SOX6: variants seen among roughly 807,000 people sequenced by gnomAD.
SOX6 encodes SRY-box transcription factor 6.
In SOX6, 11 loss-of-function variants were observed where a neutral mutation model predicts 97.8. That is an observed-to-expected ratio of 0.11 (90% CI 0.07 to 0.19). SOX6 has a LOEUF of 0.19. Among genes scored for constraint, SOX6 ranks in the 10% least tolerant of loss-of-function variants. The pLI is 1.00. For missense variants in SOX6, 810 were observed against 1,039.5 expected, an observed-to-expected ratio of 0.78 and a Z score of 3.04; for synonymous variants, 360 against 371.4, an observed-to-expected ratio of 0.97 and a Z score of 0.35.
chr11:16,498,193 T>C (rs189064946), intron 4 of SOX6, among the ~76,000 whole-genome samples: 1,890 of 152,298 alleles, frequency 0.012, 41 homozygotes, highest in African/African-American at 0.042. Flanking sequence ...ATTTTCAACC[T>C]ACAATTTCAT....
chr11:16,011,733 T>C (rs1854732816), intron 13 of SOX6, among the ~76,000 whole-genome samples: 1 of 151,972 alleles, frequency 6.6e-6, no homozygotes, highest in Admixed American at 6.6e-5. Context: ...AGAAGCCCCA[T>C]AGGAGGATGG....
At chr11:16,349,826 TCCATTTTTACCATATGCCTGATATG>T (rs1856890550) in intron 1 of SOX6, among the ~76,000 whole-genome samples, 1 of 151,908 alleles carries the variant, frequency 6.6e-6, no homozygotes, top group Admixed American at 6.6e-5. Flanking sequence ...TGCCTGACAT[TCCATTTTTACCATATGCCTGATATG>T]CCATTTTACC....
intron 4 of SOX6, among the ~76,000 whole-genome samples, chr11:16,541,061 A>C (rs565005418): frequency 9.8e-5 from 15 of 152,322 alleles, no homozygotes; most frequent in African/African-American, 2.4e-4. Flanking sequence ...ACACTACCTG[A>C]CTTCAAACTA....
At chr11:16,084,167 A>G (rs1182491453) in intron 9 of SOX6, among the ~76,000 whole-genome samples, 1 of 152,148 alleles carries the variant, frequency 6.6e-6, no homozygotes, top group South Asian at 2.1e-4. Flanking sequence ...CAAACTGCCT[A>G]TACACAATCA....
chr11:16,120,780 A>G (rs1187909596), intron 6 of SOX6, among the ~76,000 whole-genome samples: 2 of 152,142 alleles, frequency 1.3e-5, no homozygotes, highest in African/African-American at 2.4e-5. Context: ...AACTACCAAG[A>G]GTAAAACACG....
intron 3 of SOX6, among the ~76,000 whole-genome samples, chr11:16,691,424 G>T (rs910696433): frequency 6.6e-6 from 1 of 152,158 alleles, no homozygotes; most frequent in Non-Finnish European, 1.5e-5. Flanking sequence ...CAAAGAGAAA[G>T]ATTTTTTCTT....
chr11:16,602,917 A>T (rs1434383909), intron 4 of SOX6, among the ~76,000 whole-genome samples: 1 of 152,110 alleles, frequency 6.6e-6, no homozygotes, highest in Non-Finnish European at 1.5e-5. Flanking sequence ...GTTACTCGGG[A>T]GACTGAGGCG....
In SOX6 at chr11:16,310,917, T is replaced by TA. The variant is rs202084463; in HGVS notation, c.445+7528dup. Among the ~76,000 whole-genome samples, 975 of 148,912 alleles carry TA rather than the reference T, an allele frequency of 6.5e-3. 7 individuals are homozygous for TA. The highest frequency in any genetic ancestry group is 0.021 in the African/African-American group (837 of 40,744). On this transcript the variant is annotated intron_variant, in intron 3 of 15. Coordinates refer to ENST00000683767, the MANE Select transcript of SOX6 (RefSeq NM_001367873.1). Reference sequence around the variant, plus strand: ...GTTCTCACAGGGTGTGAATGTTAATTAAAAAAAAAACATGGGCTTTTAATA... The same window carrying TA: ...GTTCTCACAGGGTGTGAATGTTAATTAAAAAAAAAAACATGGGCTTTTAATA...
intron 4 of SOX6, among the ~76,000 whole-genome samples, chr11:16,536,652 C>T (rs1319872586): frequency 6.6e-6 from 1 of 152,244 alleles, no homozygotes; most frequent in Admixed American, 6.5e-5. Context: ...AGATTCCCTC[C>T]CATGTGTGGC....
At chr11:16,119,287 G>A (rs1378427559) in intron 6 of SOX6, among the ~76,000 whole-genome samples, 1 of 152,082 alleles carries the variant, frequency 6.6e-6, no homozygotes, top group Non-Finnish European at 1.5e-5. Context: ...AGGTTAGGAG[G>A]AAAAATATCT....
At chr11:16,727,364 C>T (rs143992695) in intron 2 of SOX6, among the ~76,000 whole-genome samples, 51 of 136,624 alleles carry the variant, frequency 3.7e-4, no homozygotes, top group African/African-American at 1.4e-3. Flanking sequence ...TTTTCAATGG[C>T]TACATAGTAT....
intron 2 of SOX6, among the ~76,000 whole-genome samples, chr11:16,322,012 T>TA (rs917386062): frequency 1.2e-4 from 18 of 151,598 alleles, no homozygotes; most frequent in Admixed American, 7.9e-4. Flanking sequence ...ATGCCAACTT[T>TA]AAAAAAAAAT....
intron 4 of SOX6, 24 bp downstream of exon 4, chr11:16,234,558 T>C (rs372231207): frequency 2.6e-4 from 345 of 1,325,290 alleles, no homozygotes; most frequent in Non-Finnish European, 3.6e-4. Context: ...TGCATTGACA[T>C]GTTCGATATA....
chr11:16,078,368 C>A (rs1299849846), intron 9 of SOX6, among the ~76,000 whole-genome samples: 3 of 152,132 alleles, frequency 2.0e-5, no homozygotes, highest in African/African-American at 7.2e-5. Flanking sequence ...GATTTGAAAT[C>A]TAAGTATTAT....
In SOX6 at chr11:15,970,381, C is replaced by A. The variant is rs1853265838; in HGVS notation, c.*2428G>T. 1 of 151,782 alleles carries A rather than the reference C, an allele frequency of 6.6e-6. No homozygotes were observed. The highest frequency in any genetic ancestry group is 6.6e-5 in the Admixed American group (1 of 15,186). 9.4% of individuals were successfully genotyped at this position (151,782 alleles called of 1,614,324 possible). On this transcript the variant is annotated 3_prime_UTR_variant, in exon 16 of 16. Coordinates refer to ENST00000683767, the MANE Select transcript of SOX6 (RefSeq NM_001367873.1). ...ACTATGCTAAATGTTTGCTTTTGTG[C>A]AAAATTAATTACATACAATACAATG... is the stretch of plus-strand genomic sequence containing the variant.
At chr11:16,528,803 G>A (rs1424814435) in intron 4 of SOX6, among the ~76,000 whole-genome samples, 2 of 152,038 alleles carry the variant, frequency 1.3e-5, no homozygotes, top group African/African-American at 4.8e-5. Context: ...CTTGCCTCAG[G>A]GGAAAACTTT....
chr11:16,090,737 A>G (rs1228191816), intron 9 of SOX6, among the ~76,000 whole-genome samples: 1 of 152,080 alleles, frequency 6.6e-6, no homozygotes, highest in Admixed American at 6.6e-5. Context: ...AGGCAATGCT[A>G]AGGATTCCAC....
At chr11:16,419,560 T>C (rs763394912) in intron 1 of SOX6, among the ~76,000 whole-genome samples, 12 of 152,072 alleles carry the variant, frequency 7.9e-5, no homozygotes, top group Admixed American at 7.2e-4. Context: ...AAATATCTTA[T>C]TTTCTCTAAA....
chr11:16,593,743 C>T (rs985721445), intron 4 of SOX6, among the ~76,000 whole-genome samples: 4 of 152,058 alleles, frequency 2.6e-5, no homozygotes, highest in African/African-American at 9.7e-5. Context: ...TTCACAATAT[C>T]CTAGGAAGAA....
Sources: gnomAD v4.1 joint callset for allele counts (sites outside exome capture counted in the v4.1 genomes callset) on GRCh38, gnomAD v4.1.1 for gene constraint, MANE v1.5 for transcripts, NCBI Gene and HGNC (gene_info 2026-07-23, HGNC 2026-07-21) for gene names.